The following BCR variants were observed in gnomAD, a reference collection of about 807,000 sequenced individuals.
The protein encoded by BCR is breakpoint cluster region protein.
BCR carries 58 observed loss-of-function variants against 138.6 expected under a neutral mutation model. That is an observed-to-expected ratio of 0.42 (90% CI 0.34 to 0.52). BCR has a LOEUF of 0.52. Among genes scored for constraint, BCR ranks in the 20% least tolerant of loss-of-function variants. The probability of loss-of-function intolerance (pLI) is 0.06; values close to 1 mark genes in which losing one functional copy is unlikely to be tolerated. For missense variants in BCR, 1,599 were observed against 1,727.2 expected (o/e 0.93, Z 1.32); for synonymous variants, 786 against 730.1 (o/e 1.08, Z -1.23).
chr22:23,313,430 G>A (rs113471647), intron 20 of BCR, among the ~76,000 whole-genome samples: 540 of 139,150 alleles, frequency 3.9e-3, no homozygotes, highest in Middle Eastern at 0.011. Flanking sequence ...GTGGGTGCTG[G>A]TGTGTGCAGT....
chr22:23,285,548 G>T (rs2073701945), intron 10 of BCR, among the ~76,000 whole-genome samples: 1 of 152,176 alleles, frequency 6.6e-6, no homozygotes, highest in South Asian at 2.1e-4. Flanking sequence ...CTGTGACCAG[G>T]GGTCCCTCAC....
intron 5 of BCR, among the ~76,000 whole-genome samples, chr22:23,270,829 C>A (rs1428850095): frequency 6.6e-6 from 1 of 152,240 alleles, no homozygotes; most frequent in Non-Finnish European, 1.5e-5. Flanking sequence ...GCTTTCAACA[C>A]AATTGTATCA....
intron 4 of BCR, among the ~76,000 whole-genome samples, chr22:23,262,599 T>C (rs1279927371): frequency 6.6e-6 from 1 of 151,894 alleles, no homozygotes; most frequent in Non-Finnish European, 1.5e-5. Flanking sequence ...TTAAACCTAG[T>C]GGAGGGTGGT....
Position 23,268,276 on chromosome 22 carries a change from C to T in BCR, c.1753-132C>T, listed in dbSNP as rs1177687854. Reference sequence around the variant, plus strand: ...GTGGGAGGGAGCAGCACGGAAGCGCCGAGGCCTCTGCAGCCTGTGTGCCGT... The same window carrying T: ...GTGGGAGGGAGCAGCACGGAAGCGCTGAGGCCTCTGCAGCCTGTGTGCCGT... On this transcript the variant is annotated intron_variant, in intron 4 of 22. Coordinates refer to ENST00000305877, the MANE Select transcript of BCR (RefSeq NM_004327.4). 24 of 658,548 alleles carry T rather than the reference C, an allele frequency of 3.6e-5. No individual in the cohort carries two copies. The South Asian group carries it at 4.2e-4, about 12-fold the overall frequency. The allele number at this position is 658,548 out of a possible 1,614,324, so 40.8% of individuals were successfully genotyped here. A position where few individuals can be genotyped will look rare whatever the true frequency, so the allele number is the denominator to read the frequency against.
intron 1 of BCR, among the ~76,000 whole-genome samples, chr22:23,205,272 G>A (rs1008251410): frequency 4.6e-5 from 7 of 152,218 alleles, no homozygotes; most frequent in Admixed American, 1.3e-4. Context: ...GGCACTGAAC[G>A]TTGTCACTCC....
rs1255026914 is a variant in BCR, at chr22:23,271,504, G to C, written c.1861-28G>C. 7.4e-6 allele frequency: 12 copies of C among 1,612,454 alleles called. 1 individual carries two copies. Among genetic ancestry groups the C allele is most frequent in the Middle Eastern group, 1.6e-4 (1 of 6,078 alleles). On this transcript the variant is annotated intron_variant, in intron 5 of 22. Coordinates refer to ENST00000305877, the MANE Select transcript of BCR (RefSeq NM_004327.4). Reference sequence around the variant, plus strand: ...ATCATCAAAGCTGCTTCTGTCATCTGTGTGAACATGCGCTTTTCTCTCTGC... The same window carrying C: ...ATCATCAAAGCTGCTTCTGTCATCTCTGTGAACATGCGCTTTTCTCTCTGC...
chr22:23,231,285 A>T (rs929876564), intron 1 of BCR, among the ~76,000 whole-genome samples: 2 of 152,080 alleles, frequency 1.3e-5, no homozygotes. Flanking sequence ...AGGCGGGAAG[A>T]TCACTTGAGG....
intron 1 of BCR, among the ~76,000 whole-genome samples, chr22:23,226,321 AG>A (rs1568942550): frequency 1.4e-5 from 2 of 146,574 alleles, no homozygotes; most frequent in African/African-American, 5.2e-5. Context: ...AGAGAGAGAG[AG>A]AGAGAGTGTG....
intron 6 of BCR, among the ~76,000 whole-genome samples, chr22:23,272,099 T>C (rs868144266): frequency 8.5e-5 from 13 of 152,326 alleles, no homozygotes; most frequent in Middle Eastern, 3.4e-3. Context: ...ATTACAGGTG[T>C]GAGCTACCGC....
chr22:23,263,805 T>A (rs1461641391), intron 4 of BCR: 1 of 1,314,670 alleles, frequency 7.6e-7, no homozygotes, highest in Non-Finnish European at 1.1e-6. Context: ...GGTGTGGCCT[T>A]TGGCCTCAGG....
chr22:23,218,956 C>G (rs1380605451), intron 1 of BCR, among the ~76,000 whole-genome samples: 1 of 152,204 alleles, frequency 6.6e-6, no homozygotes, highest in Non-Finnish European at 1.5e-5. Context: ...GCGGTGTTTA[C>G]AGAGCGGCCA....
chr22:23,264,175 C>A, intron 4 of BCR: 2 of 1,354,218 alleles, frequency 1.5e-6, no homozygotes, highest in Non-Finnish European at 2.1e-6. Context: ...CACTTGCTTG[C>A]CACAGGTTCC....
chr22:23,231,506 C>CATAAAATAAAATAAAATAAAATAAA (rs57803042), intron 1 of BCR, among the ~76,000 whole-genome samples: 1,680 of 128,836 alleles, frequency 0.013, 25 homozygotes, highest in Non-Finnish European at 0.018. Context: ...GACCCCGTCT[C>CATAAAATAAAATAAAATAAAATAAA]ATAAAATAAA....
chr22:23,231,054 T>C (rs906954038), intron 1 of BCR, among the ~76,000 whole-genome samples: 1 of 152,216 alleles, frequency 6.6e-6, no homozygotes, highest in African/African-American at 2.4e-5. Flanking sequence ...AGAGTTATTG[T>C]AGAAACCTTA....
chr22:23,292,780 G>T, intron 15 of BCR, 142 bp downstream of exon 15: 2 of 634,824 alleles, frequency 3.2e-6, no homozygotes, highest in Non-Finnish European at 5.3e-6. Flanking sequence ...CTCCTGGGGG[G>T]CCAGTAGGTG....
At chr22:23,286,766 G>A (rs1185220423) in intron 10 of BCR, among the ~76,000 whole-genome samples, 1 of 152,166 alleles carries the variant, frequency 6.6e-6, no homozygotes, top group African/African-American at 2.4e-5. Context: ...GGGGCCCGAT[G>A]CTGAAACCTA....
intron 15 of BCR, among the ~76,000 whole-genome samples, chr22:23,293,034 C>G (rs1334203925): frequency 6.6e-6 from 1 of 151,852 alleles, no homozygotes; most frequent in Non-Finnish European, 1.5e-5. Flanking sequence ...GGGGCTGGGA[C>G]AGGGACTGTA....
chr22:23,279,698 G>C (rs1031993275), intron 8 of BCR, among the ~76,000 whole-genome samples: 1 of 152,228 alleles, frequency 6.6e-6, no homozygotes, highest in Non-Finnish European at 1.5e-5. Flanking sequence ...TGTCTCACCA[G>C]TCAAGGCCCT....
chr22:23,277,484 C>T (rs1454094338), intron 8 of BCR, among the ~76,000 whole-genome samples: 1 of 152,198 alleles, frequency 6.6e-6, no homozygotes, highest in Admixed American at 6.5e-5. Context: ...AGAGATGTCC[C>T]TTTTAGCTCC....
Sources: gnomAD v4.1 joint callset for allele counts (sites outside exome capture counted in the v4.1 genomes callset) on GRCh38, gnomAD v4.1.1 for gene constraint, MANE v1.5 for transcripts, NCBI Gene and HGNC (gene_info 2026-07-23, HGNC 2026-07-21) for gene names.